Variants in APBA2 observed in about 807,000 individuals in gnomAD.
APBA2 encodes amyloid-beta A4 precursor protein-binding family A member 2.
In APBA2, 30 loss-of-function variants were observed where a neutral mutation model predicts 75.0. The observed-to-expected ratio is 0.40, with a 90% CI of 0.30 to 0.54. The LOEUF is 0.54. APBA2 is among the 20% of genes least tolerant of loss of function. The probability of loss-of-function intolerance (pLI) is 0.49; values close to 1 mark genes in which losing one functional copy is unlikely to be tolerated. For synonymous variants in APBA2, 444 were observed against 409.6 expected, an observed-to-expected ratio of 1.08 and a Z score of -1.01; for missense variants, 801 against 1,016.1, an observed-to-expected ratio of 0.79 and a Z score of 2.88.
At chr15:28,997,417 A>C (rs1211077387) in intron 3 of APBA2, among the ~76,000 whole-genome samples, 2 of 152,084 alleles carry the variant, frequency 1.3e-5, no homozygotes, top group African/African-American at 4.8e-5. Flanking sequence ...TTAACTTTCT[A>C]CTTAGGGTTG....
chr15:29,114,125 C>A lies in APBA2; in HGVS notation c.2178+109C>A, dbSNP rs946953623. ...GGACACAGGGCATCTGAAGGTCAGC[C>A]AGGCTGTGTCTCCCATCGGGGCTGC... On this transcript the variant is annotated intron_variant, in intron 14 of 14. Coordinates refer to ENST00000683413, the MANE Select transcript of APBA2 (RefSeq NM_001353788.2). 4.7e-6 allele frequency: 7 copies of A among 1,490,208 alleles called. No individual in the cohort carries two copies. In the East Asian group the frequency reaches 1.1e-4, roughly 24 times the overall value. 92.3% of individuals were successfully genotyped at this position (1,490,208 alleles called of 1,614,324 possible). A position where few individuals can be genotyped will look rare whatever the true frequency, so the allele number is the denominator to read the frequency against.
intron 8 of APBA2, among the ~76,000 whole-genome samples, chr15:29,097,366 T>C (rs896166754): frequency 6.6e-6 from 1 of 152,242 alleles, no homozygotes; most frequent in African/African-American, 2.4e-5. Context: ...TCCCGGGGGC[T>C]GGCCCTCCTC....
chr15:29,074,512 G>A (rs548689854), intron 4 of APBA2, among the ~76,000 whole-genome samples: 3 of 152,256 alleles, frequency 2.0e-5, no homozygotes, highest in South Asian at 2.1e-4. Context: ...TTGGGGTTGG[G>A]CATATTGAGG....
chr15:29,110,175 C>T (rs1049299653), intron 13 of APBA2, among the ~76,000 whole-genome samples: 2 of 152,350 alleles, frequency 1.3e-5, no homozygotes, highest in South Asian at 2.1e-4. Flanking sequence ...TGGGCTACTG[C>T]ACCCCCGACC....
rs1595614321 is a variant in APBA2, at chr15:28,974,569, A to G, written c.-94-21184A>G. Among the ~76,000 whole-genome samples the G allele has an allele frequency of 2.0e-5, 3 of 152,344 alleles. 1 individual carries two copies. Among genetic ancestry groups the G allele is most frequent in the Middle Eastern group, 6.8e-3 (2 of 294 alleles). On this transcript the variant is annotated intron_variant, in intron 2 of 14. Coordinates refer to ENST00000683413, the MANE Select transcript of APBA2 (RefSeq NM_001353788.2). The stretch of plus-strand genomic sequence containing the variant: ...ACAACCTCAATGAGTTCCGTAACAG[A>G]AATAATACAAACAACATTCTGTGCT...
At chr15:29,038,960 C>G (rs370297894) in intron 3 of APBA2, among the ~76,000 whole-genome samples, 202 of 152,278 alleles carry the variant, frequency 1.3e-3, no homozygotes, top group African/African-American at 4.6e-3. Context: ...GTGTGAGCCA[C>G]TACGCCTGGC....
At chr15:28,959,723 A>G (rs923322172) in intron 2 of APBA2, among the ~76,000 whole-genome samples, 3 of 152,216 alleles carry the variant, frequency 2.0e-5, no homozygotes, top group East Asian at 1.9e-4. Flanking sequence ...TTTTTAAGCA[A>G]TCTTCATGGA....
chr15:28,933,112 G>A (rs577428581), intron 2 of APBA2, among the ~76,000 whole-genome samples: 22 of 152,202 alleles, frequency 1.4e-4, no homozygotes, highest in South Asian at 2.1e-4. Flanking sequence ...CCACTCTCGC[G>A]ATAATGGCAT....
At chr15:28,914,677 A>G (rs2033584830) in intron 1 of APBA2, among the ~76,000 whole-genome samples, 3 of 152,114 alleles carry the variant, frequency 2.0e-5, no homozygotes, top group Non-Finnish European at 4.4e-5. Flanking sequence ...AGTTACAGAA[A>G]ATATCTTCCC....
At chr15:29,080,885 C>T (rs566775752) in intron 6 of APBA2, among the ~76,000 whole-genome samples, 1 of 152,334 alleles carries the variant, frequency 6.6e-6, no homozygotes, top group South Asian at 2.1e-4. Flanking sequence ...CTTTGTTCTC[C>T]TCATCCAAAG....
intron 6 of APBA2, among the ~76,000 whole-genome samples, chr15:29,078,883 G>A (rs1330286132): frequency 1.3e-5 from 2 of 152,210 alleles, no homozygotes; most frequent in Non-Finnish European, 2.9e-5. Context: ...GGATTAAGAG[G>A]TGATGACTTC....
chr15:29,080,445 G>A (rs74709603), intron 6 of APBA2, among the ~76,000 whole-genome samples: 2 of 152,218 alleles, frequency 1.3e-5, no homozygotes, highest in African/African-American at 4.8e-5. Flanking sequence ...CTTGTCAGGC[G>A]CAGGATCACA....
At chr15:28,952,060 T>C (rs1407961422) in intron 2 of APBA2, among the ~76,000 whole-genome samples, 1 of 151,918 alleles carries the variant, frequency 6.6e-6, no homozygotes, top group Non-Finnish European at 1.5e-5. Flanking sequence ...GGCTAATTTT[T>C]GTGTCCCATA....
chr15:28,906,018 A>AT (rs373266753), intron 1 of APBA2, among the ~76,000 whole-genome samples: 30 of 148,558 alleles, frequency 2.0e-4, no homozygotes, highest in Middle Eastern at 3.5e-3. Flanking sequence ...GACTCCTCCC[A>AT]TTTTTTTTTT....
chr15:29,108,210 T>C, intron 12 of APBA2, 60 bp from the exon 13 acceptor site: 1 of 1,610,840 alleles, frequency 6.2e-7, no homozygotes, highest in Non-Finnish European at 8.5e-7. Context: ...GCCTCGCTCA[T>C]CCTGGGTCAG....
At chr15:29,012,467 C>T (rs1389587847) in intron 3 of APBA2, among the ~76,000 whole-genome samples, 1 of 152,226 alleles carries the variant, frequency 6.6e-6, no homozygotes, top group Admixed American at 6.5e-5. Flanking sequence ...TAATTTATCA[C>T]TGCTGATGTT....
At chr15:29,108,220 G>C (rs370056600) in intron 12 of APBA2, 50 bp from the exon 13 acceptor site, 5 of 1,611,958 alleles carry the variant, frequency 3.1e-6, no homozygotes, top group Non-Finnish European at 4.2e-6. Flanking sequence ...TCCTGGGTCA[G>C]GCTTGATGTC....
intron 3 of APBA2, among the ~76,000 whole-genome samples, chr15:29,034,864 G>A (rs2152851468): frequency 6.6e-6 from 1 of 152,312 alleles, no homozygotes; most frequent in Admixed American, 6.5e-5. Flanking sequence ...GATGCTGCTG[G>A]CCCAGGGACC....
intron 4 of APBA2, among the ~76,000 whole-genome samples, chr15:29,071,365 G>A (rs1225826550): frequency 1.3e-5 from 2 of 151,800 alleles, no homozygotes; most frequent in Admixed American, 1.3e-4. Flanking sequence ...TTAATTTTCT[G>A]TCCTCAGAGC....
Sources: gnomAD v4.1 joint callset for allele counts (sites outside exome capture counted in the v4.1 genomes callset) on GRCh38, gnomAD v4.1.1 for gene constraint, MANE v1.5 for transcripts, NCBI Gene and HGNC (gene_info 2026-07-23, HGNC 2026-07-21) for gene names.